USP22: variants seen among roughly 807,000 people sequenced by gnomAD.
USP22 encodes the protein ubiquitin specific peptidase 22.
Under a neutral mutation model 68.1 loss-of-function variants are expected in USP22, and 22 were observed. That is an observed-to-expected ratio of 0.32 (90% CI 0.23 to 0.46). USP22 has a LOEUF of 0.46. Among genes scored for constraint, USP22 ranks in the 20% least tolerant of loss-of-function variants. The pLI, the probability that USP22 is intolerant of heterozygous loss-of-function variation, is 1.00. For synonymous variants in USP22, 279 were observed against 274.2 expected, an observed-to-expected ratio of 1.02 and a Z score of -0.17; for missense variants, 433 against 695.8, an observed-to-expected ratio of 0.62 and a Z score of 4.25.
chr17:21,042,600 C>G, intron 1 of USP22, 65 bp downstream of exon 1: 1 of 1,257,296 alleles, frequency 8.0e-7, no homozygotes, highest in South Asian at 2.8e-5. Flanking sequence ...AGGGCCCCTC[C>G]GCCGGCCGGC....
At chr17:21,005,303 C>T (rs1913744992) in intron 10 of USP22, among the ~76,000 whole-genome samples, 1 of 152,120 alleles carries the variant, frequency 6.6e-6, no homozygotes, top group Non-Finnish European at 1.5e-5. Flanking sequence ...TGTGACAAAG[C>T]AGATGGTGAA....
At chr17:21,021,993 G>C (rs961169587) in intron 2 of USP22, among the ~76,000 whole-genome samples, 1 of 152,094 alleles carries the variant, frequency 6.6e-6, no homozygotes, top group Non-Finnish European at 1.5e-5. Flanking sequence ...CCAGCTATTC[G>C]GGGAGCTGAG....
intron 6 of USP22, among the ~76,000 whole-genome samples, chr17:21,013,309 G>A (rs1914025445): frequency 6.6e-6 from 1 of 152,144 alleles, no homozygotes; most frequent in Non-Finnish European, 1.5e-5. Flanking sequence ...GTACACCCGG[G>A]GAAGCCCCAG....
In USP22 at chr17:21,019,040, C is replaced by T. The variant is rs371999236; in HGVS notation, c.520+44G>A. 112 of 1,593,664 alleles carry T rather than the reference C, an allele frequency of 7.0e-5. 1 individual carries two copies. Among genetic ancestry groups the T allele is most frequent in the Middle Eastern group, 1.7e-4 (1 of 6,032 alleles). ...CACAATTCTGTATTTACTTTTAAAC[C>T]CTGGAAAGAAGCCTAGCTGAGAGTG... On this transcript the variant is annotated intron_variant, in intron 4 of 12. Coordinates refer to ENST00000261497, the MANE Select transcript of USP22 (RefSeq NM_015276.2).
chr17:21,042,319 CG>C (rs1406948561), intron 1 of USP22: 1 of 159,018 alleles, frequency 6.3e-6, no homozygotes, highest in African/African-American at 2.9e-5. Flanking sequence ...TCGCCCCTCC[CG>C]GGCCAAGAAG....
intron 2 of USP22, among the ~76,000 whole-genome samples, chr17:21,025,699 C>CA (rs1567590671): frequency 6.6e-6 from 1 of 152,186 alleles, no homozygotes; most frequent in East Asian, 1.9e-4. Context: ...TAATACAACT[C>CA]AGATGAATCA....
Position 21,042,482 on chromosome 17 carries a change from GA to G in USP22, c.171+182del, listed in dbSNP as rs547116876. On this transcript the variant is annotated intron_variant, in intron 1 of 12. Coordinates refer to ENST00000261497, the MANE Select transcript of USP22 (RefSeq NM_015276.2). Reference sequence around the variant, plus strand: ...AGGAGATAAGGGAAGGGAGAGAGTTGAGGGGGGAAGGAAAGGAGGGGGAAGG... The same window carrying G: ...AGGAGATAAGGGAAGGGAGAGAGTTGGGGGGGAAGGAAAGGAGGGGGAAGG... Among the ~76,000 whole-genome samples, 229 of 143,462 alleles carry G rather than the reference GA, an allele frequency of 1.6e-3. 1 individual carries two copies. Among genetic ancestry groups the G allele is most frequent in the Middle Eastern group, 0.01 (3 of 290 alleles). The allele number at this position is 143,462 out of a possible 152,430, so 94.1% of individuals were successfully genotyped here. A position where few individuals can be genotyped will look rare whatever the true frequency, so the allele number is the denominator to read the frequency against.
chr17:21,037,143 A>G (rs570753909), intron 1 of USP22, among the ~76,000 whole-genome samples: 1 of 152,238 alleles, frequency 6.6e-6, no homozygotes, highest in Non-Finnish European at 1.5e-5. Flanking sequence ...ACAGCACTGG[A>G]TGATAACCCA....
chr17:21,007,262 A>C (rs1913809700), intron 9 of USP22, among the ~76,000 whole-genome samples: 1 of 152,224 alleles, frequency 6.6e-6, no homozygotes, highest in African/African-American at 2.4e-5. Context: ...AGCAAAGCAC[A>C]GAAAACAAAA....
chr17:21,042,928 G>T lies in USP22; in HGVS notation c.-93C>A. Reference sequence around the variant, plus strand: ...TGGGGGCTGCTCGGCGGCTGGCCAGGCTGGCCAAGGCCCGGGCGCCGAGAA... The same window carrying T: ...TGGGGGCTGCTCGGCGGCTGGCCAGTCTGGCCAAGGCCCGGGCGCCGAGAA... On this transcript the variant is annotated 5_prime_UTR_variant, in exon 1 of 13. Transcript: ENST00000261497. 2.4e-6 allele frequency: 2 copies of T among 845,066 alleles called. No individual in the cohort carries two copies. Among genetic ancestry groups the T allele is most frequent in the Non-Finnish European group, 3.1e-6 (2 of 646,156 alleles). 52.3% of individuals were successfully genotyped at this position (845,066 alleles called of 1,614,324 possible). A position where few individuals can be genotyped will look rare whatever the true frequency, so the allele number is the denominator to read the frequency against.
chr17:21,025,660 G>C (rs1362685818), intron 2 of USP22, among the ~76,000 whole-genome samples: 1 of 152,160 alleles, frequency 6.6e-6, no homozygotes, highest in Non-Finnish European at 1.5e-5. Flanking sequence ...ACATGACTGA[G>C]CCATACAAAG....
At position 21,042,749 on chromosome 17, in the gene USP22, G is replaced by T; in HGVS notation, c.87C>A (p.Phe29Leu). 1.3e-6 allele frequency: 2 copies of T among 1,497,946 alleles called. No homozygotes were observed. Among genetic ancestry groups the T allele is most frequent in the East Asian group, 5.4e-5 (2 of 36,922 alleles). 92.8% of individuals were successfully genotyped at this position (1,497,946 alleles called of 1,614,324 possible). Residue 29 changes from phenylalanine (F) to leucine (L), a missense_variant, in exon 1 of 13, where the codon TTC becomes TTA. By Grantham distance (22) the Phe-to-Leu change is conservative. This residue lies in a region of USP22 where 110 missense variants were observed against 89.9 expected (regional missense o/e 1.22). Coordinates refer to ENST00000261497, the MANE Select transcript of USP22 (RefSeq NM_015276.2). ...GGTTCTGCTTCCAGTTGTCCACCTT[G>T]AAGCTGCCCAGGTGCGAGCAGCCCG... Reference protein sequence around the residue: ...APPGCSHLGSFKVDNWKQNLR... With the variant: ...APPGCSHLGSLKVDNWKQNLR...
At chr17:21,034,186 G>A (rs978378591) in intron 1 of USP22, among the ~76,000 whole-genome samples, 6 of 152,004 alleles carry the variant, frequency 3.9e-5, no homozygotes, top group Admixed American at 2.6e-4. Context: ...CCTCAATCTC[G>A]GAGCCAAAAT....
In USP22 at chr17:21,015,865, T is replaced by A. The variant is rs769555291; in HGVS notation, c.725A>T (p.Tyr242Phe). 5 of 1,614,036 alleles carry A rather than the reference T, an allele frequency of 3.1e-6. No individual in the cohort carries two copies. The Admixed American group carries it at 8.3e-5, about 27-fold the overall frequency. ...YSGHRSPHIP[Y>F]KLLHLVWTHA... ...GGTCCACACCAGGTGCAGCAACTTA[T>A]ACGGGATGTGAGGGGACCGGTGTCC... is the stretch of plus-strand genomic sequence containing the variant. The change falls in exon 6 of 13, where the codon TAT (tyrosine) becomes TTT (phenylalanine). Residue 242 changes from tyrosine (Y) to phenylalanine (F), a missense_variant. Physicochemically the swap from Tyr to Phe is conservative, Grantham distance 22 (BLOSUM62 3). This residue lies in a region of USP22 where 144 missense variants were observed against 237.2 expected (regional missense o/e 0.61). Transcript: ENST00000261497.
At chr17:21,030,909 CTGAG>C (rs1341885844) in intron 1 of USP22, among the ~76,000 whole-genome samples, 3 of 152,164 alleles carry the variant, frequency 2.0e-5, no homozygotes, top group Admixed American at 2.0e-4. Flanking sequence ...AAAAATTAAA[CTGAG>C]TGTGATAACT....
rs374401876 is a variant in USP22 at position 21,018,161 on chromosome 17, G to A, written c.521-50C>T. 1.0e-5 allele frequency: 15 copies of A among 1,497,408 alleles called. No homozygotes were observed. In the African/African-American group the frequency reaches 1.7e-4, roughly 17 times the overall value. The allele number at this position is 1,497,408 out of a possible 1,614,324, so 92.8% of individuals were successfully genotyped here. On this transcript the variant is annotated intron_variant, in intron 4 of 12. Transcript: ENST00000261497. The stretch of plus-strand genomic sequence containing the variant: ...GGAGTTACCTGTGTGCTGAACCACA[G>A]GTGTCGCTGGATCCCAGCGGCTTCC...
intron 6 of USP22, among the ~76,000 whole-genome samples, chr17:21,015,368 G>A (rs1293501332): frequency 6.6e-6 from 1 of 152,138 alleles, no homozygotes; most frequent in South Asian, 2.1e-4. Context: ...GAGACAGTTG[G>A]GTGATTAAGT....
intron 4 of USP22, 34 bp from the exon 5 acceptor site, chr17:21,018,145 TG>T (rs763714106): frequency 6.5e-7 from 1 of 1,530,414 alleles, no homozygotes; most frequent in African/African-American, 1.4e-5. Flanking sequence ...AGGAGTTACC[TG>T]TGTGCTGAAC....
At chr17:21,028,405 G>T (rs779991203) in intron 2 of USP22, 137 bp downstream of exon 2, 2 of 1,361,020 alleles carry the variant, frequency 1.5e-6, no homozygotes, top group Non-Finnish European at 2.0e-6. Context: ...ACTTCCAAGT[G>T]TCACCAGTGA....
Sources: gnomAD v4.1 joint callset for allele counts (sites outside exome capture counted in the v4.1 genomes callset) on GRCh38, gnomAD v4.1.1 for gene constraint, gnomAD v4.1.1 regional missense constraint, MANE v1.5 for transcripts, NCBI Gene and HGNC (gene_info 2026-07-23, HGNC 2026-07-21) for gene names.